UBXN11: variants seen among roughly 807,000 people sequenced by gnomAD.
UBXN11 encodes the protein UBX domain-containing protein 11.
Under a neutral mutation model 62.8 loss-of-function variants are expected in UBXN11, and 47 were observed. That is an observed-to-expected ratio of 0.75 (90% CI 0.59 to 0.95). The LOEUF is 0.95. Among genes scored for constraint, UBXN11 ranks in the 40% least tolerant of loss-of-function variants. UBXN11 has a pLI of 0.00. For missense variants in UBXN11, 638 were observed against 661.7 expected (o/e 0.96, Z 0.39); for synonymous variants, 294 against 267.0 (o/e 1.10, Z -0.99).
chr1:26,296,208 GC>G (rs1479505616), intron 7 of UBXN11, among the ~76,000 whole-genome samples: 3 of 152,242 alleles, frequency 2.0e-5, no homozygotes, highest in South Asian at 4.1e-4. Context: ...GGGTCTGTGA[GC>G]GGGGGAAAGA....
At chr1:26,294,923 G>A (rs1284937533) in intron 7 of UBXN11, among the ~76,000 whole-genome samples, 1 of 152,152 alleles carries the variant, frequency 6.6e-6, no homozygotes, top group Non-Finnish European at 1.5e-5. Context: ...TTCACCATCT[G>A]CTAGTTTTCC....
rs765739835 is a variant in UBXN11, at chr1:26,282,567, A to G, written c.1295T>C (p.Val432Ala). The G allele has an allele frequency of 6.2e-7, 1 of 1,602,246 alleles. No individual in the cohort carries two copies. The highest frequency in any genetic ancestry group is 1.1e-5 in the South Asian group (1 of 90,546). ...GATCTCAAAGGCAGAGGCATCCATG[A>G]CCCTGGGGACCAGGCAGAGCAGATC... ...DVRALLAQAR[V>A]MDASAFEIFS... Residue 432 changes from valine (V) to alanine (A), a missense_variant and splice_region_variant, in exon 15 of 15, where the codon GTC becomes GCC. Coordinates refer to ENST00000374222, the MANE Select transcript of UBXN11 (RefSeq NM_001389556.1).
At chr1:26,310,097 G>A (rs1480492161), upstream of UBXN11, among the ~76,000 whole-genome samples, 2 of 152,028 alleles carry the variant, frequency 1.3e-5, no homozygotes, top group African/African-American at 2.4e-5. Context: ...CACTGTGCCC[G>A]GCCCAAAAAG....
Position 26,300,858 on chromosome 1 carries a change from G to T in UBXN11, c.199+68C>A. 5 of 1,611,564 alleles carry T rather than the reference G, an allele frequency of 3.1e-6. No individual in the cohort carries two copies. The African/African-American group carries it at 4.0e-5, about 13-fold the overall frequency. On this transcript the variant is annotated intron_variant, in intron 4 of 14. Coordinates refer to ENST00000374222, the MANE Select transcript of UBXN11 (RefSeq NM_001389556.1). ...CGAGAGGAAGGGCCATGCCTCCCTAGGCCTTGCCCCGTCTCTGGGGCCCCC... is the reference window on the plus strand; with the variant it reads ...CGAGAGGAAGGGCCATGCCTCCCTATGCCTTGCCCCGTCTCTGGGGCCCCC...
intron 8 of UBXN11, 34 bp downstream of exon 8, chr1:26,294,171 T>C (rs755228197): frequency 1.2e-6 from 2 of 1,611,280 alleles, no homozygotes; most frequent in Non-Finnish European, 1.7e-6. Flanking sequence ...AGAATTCCTT[T>C]TGAAGAGGGC....
At chr1:26,297,621 G>A (rs948413997) in intron 5 of UBXN11, 140 bp from the exon 6 acceptor site, 77 of 1,074,106 alleles carry the variant, frequency 7.2e-5, no homozygotes, top group Middle Eastern at 2.2e-4. Flanking sequence ...CACTTCTCCC[G>A]GACCTCAGAT....
At position 26,282,334 on chromosome 1, in the gene UBXN11, T is replaced by TGGGGCCGGGACCGGGACCGGGACC. The variant is rs1557677239; in HGVS notation, c.1527_1528insGGTCCCGGTCCCGGTCCCGGCCCC (p.Pro509_Ser510insGlyProGlyProGlyProGlyPro). The TGGGGCCGGGACCGGGACCGGGACC allele has an allele frequency of 3.5e-5, 45 of 1,304,326 alleles. 1 individual carries two copies. The East Asian group carries it at 9.5e-4, about 28-fold the overall frequency. 80.8% of individuals were successfully genotyped at this position (1,304,326 alleles called of 1,614,324 possible). A position where few individuals can be genotyped will look rare whatever the true frequency, so the allele number is the denominator to read the frequency against. On this transcript the variant is annotated inframe_insertion, in exon 15 of 15. Transcript: ENST00000374222. ...CTGGGACTGGGTCCAGGACAGGGAC[T>TGGGGCCGGGACCGGGACCGGGACC]GGGGCCGGGACCGGGACCGGGACTG...
intron 1 of UBXN11, among the ~76,000 whole-genome samples, chr1:26,315,784 C>T (rs529667133): frequency 1.9e-4 from 29 of 152,270 alleles, no homozygotes; most frequent in African/African-American, 6.3e-4. Flanking sequence ...CTCAGCCTCC[C>T]GAGTAGCTGG....
At chr1:26,305,262 G>GGC (rs762056881) in intron 1 of UBXN11, among the ~76,000 whole-genome samples, 6 of 151,882 alleles carry the variant, frequency 4.0e-5, no homozygotes, top group Non-Finnish European at 7.4e-5. Flanking sequence ...CACCCCACCT[G>GGC]GCCCATCTCT....
upstream of UBXN11, among the ~76,000 whole-genome samples, chr1:26,308,096 G>A (rs992680103): frequency 6.6e-5 from 10 of 151,798 alleles, no homozygotes; most frequent in Non-Finnish European, 1.3e-4. Flanking sequence ...GAGAAACCCC[G>A]TCTCTACTAA....
At chr1:26,318,002 C>G (rs777179802) in intron 1 of UBXN11, 26 of 1,613,640 alleles carry the variant, frequency 1.6e-5, no homozygotes, top group South Asian at 1.4e-4. Context: ...AAGACAGCCA[C>G]GAAGATCCTA....
intron 7 of UBXN11, among the ~76,000 whole-genome samples, chr1:26,295,432 T>C (rs933160097): frequency 6.6e-6 from 1 of 152,120 alleles, no homozygotes; most frequent in Non-Finnish European, 1.5e-5. Flanking sequence ...TCATGCCACC[T>C]CTCAAACAGA....
In UBXN11 at chr1:26,301,736, CAGGAAGA is replaced by C. The variant is rs2073539945; in HGVS notation, c.72-21_72-15del. 6.2e-7 allele frequency: 1 copy of C among 1,613,792 alleles called. No homozygotes were observed. The highest frequency in any genetic ancestry group is 1.7e-5 in the Admixed American group (1 of 59,970). ...ATTCCTCGCCTCCTGGGAACCCAGG[CAGGAAGA>C]AGGAAGAAATATAAGTTAGGGCCCC... On this transcript the variant is annotated splice_polypyrimidine_tract_variant and intron_variant, in intron 2 of 14. Transcript: ENST00000374222.
At position 26,302,829 on chromosome 1, in the gene UBXN11, C is replaced by T. The variant is rs767971948; in HGVS notation, c.55G>A (p.Glu19Lys). 22 of 1,613,776 alleles carry T rather than the reference C, an allele frequency of 1.4e-5. No individual in the cohort carries two copies. In the South Asian group the frequency reaches 2.3e-4, roughly 17 times the overall value. ...GCTCCTTACCCAGGATTCATAGGCT[C>T]CGAGGGCAGGGGCACTTTTCGGGTC... Reference protein sequence around the residue: ...SKTRKVPLPSEPMNPGRRGIR... With the variant: ...SKTRKVPLPSKPMNPGRRGIR... Residue 19 changes from glutamate (E) to lysine (K), a missense_variant, in exon 2 of 15, where the codon GAG becomes AAG. By Grantham distance (56) the Glu-to-Lys change is moderately conservative. Coordinates refer to ENST00000374222, the MANE Select transcript of UBXN11 (RefSeq NM_001389556.1).
At chr1:26,300,237 C>T (rs4659425) in intron 4 of UBXN11, among the ~76,000 whole-genome samples, 132,941 of 152,218 alleles carry the variant, frequency 0.87, 59,028 homozygotes, top group Non-Finnish European at 0.93. Flanking sequence ...GCCAGGGGCC[C>T]TCCACCGAGG....
intron 10 of UBXN11, chr1:26,285,046 C>G: frequency 9.9e-7 from 1 of 1,013,284 alleles, no homozygotes; most frequent in South Asian, 3.8e-5. Flanking sequence ...ATGGGGCCAG[C>G]TCTACCTCAT....
chr1:26,308,057 G>T (rs978691480), upstream of UBXN11, among the ~76,000 whole-genome samples: 1 of 151,912 alleles, frequency 6.6e-6, no homozygotes, highest in African/African-American at 2.4e-5. Context: ...ATCTGAAGTC[G>T]GGAGTTCGAG....
chr1:26,296,382 G>A (rs1299525719), intron 7 of UBXN11, among the ~76,000 whole-genome samples: 1 of 152,230 alleles, frequency 6.6e-6, no homozygotes, highest in East Asian at 1.9e-4. Flanking sequence ...AGAGAGATGA[G>A]GCACTGAGAA....
At chr1:26,287,755 G>C (rs2073165193) in intron 8 of UBXN11, among the ~76,000 whole-genome samples, 2 of 152,024 alleles carry the variant, frequency 1.3e-5, no homozygotes, top group Admixed American at 1.3e-4. Flanking sequence ...CCCTCCGGGG[G>C]CTCCCCACAT....
Sources: allele counts gnomAD v4.1 joint callset (sites outside exome capture counted in the v4.1 genomes callset), GRCh38; gene constraint gnomAD v4.1.1; transcripts MANE v1.5; gene names NCBI Gene and HGNC (gene_info 2026-07-23, HGNC 2026-07-21).